SAMSN1: variants seen among roughly 807,000 people sequenced by gnomAD.
The protein encoded by SAMSN1 is SAM domain-containing protein SAMSN-1.
In SAMSN1, 31 loss-of-function variants were observed where a neutral mutation model predicts 42.0. The observed-to-expected ratio is 0.74, with a 90% CI of 0.55 to 1.00. SAMSN1 has a LOEUF of 1.00. Ranked by LOEUF, SAMSN1 falls within the 50% of genes least tolerant of loss-of-function variation. The probability of loss-of-function intolerance (pLI) is 0.00; values close to 1 mark genes in which losing one functional copy is unlikely to be tolerated. For missense variants in SAMSN1, 464 were observed against 439.4 expected (o/e 1.06, Z -0.50); for synonymous variants, 178 against 151.9 (o/e 1.17, Z -1.26).
At chr21:14,528,652 C>A (rs1373430959) in intron 1 of SAMSN1, among the ~76,000 whole-genome samples, 1 of 152,126 alleles carries the variant, frequency 6.6e-6, no homozygotes, top group Non-Finnish European at 1.5e-5. Flanking sequence ...TACATATGTC[C>A]AATTATTTCT....
chr21:14,621,859 C>T (rs1478711951), intron 2 of SAMSN1, among the ~76,000 whole-genome samples: 1 of 152,212 alleles, frequency 6.6e-6, no homozygotes, highest in African/African-American at 2.4e-5. Context: ...AGTAGCCTAA[C>T]TAGGAGGCAC....
intron 2 of SAMSN1, among the ~76,000 whole-genome samples, chr21:14,572,074 C>T (rs1475107254): frequency 1.3e-5 from 2 of 152,158 alleles, no homozygotes; most frequent in Non-Finnish European, 2.9e-5. Flanking sequence ...TGTGGCCACA[C>T]AGCTCAGGGA....
intron 2 of SAMSN1, among the ~76,000 whole-genome samples, chr21:14,518,885 C>G (rs563156479): frequency 6.6e-6 from 1 of 152,222 alleles, no homozygotes; most frequent in East Asian, 1.9e-4. Flanking sequence ...CTTAAACTTT[C>G]TCTGTCTTCA....
In SAMSN1 at chr21:14,577,236, G is replaced by GTATATA. The variant is rs1472311400; in HGVS notation, c.261+4899_261+4900insTATATA. Among the ~76,000 whole-genome samples, 300 of 30,828 alleles carry GTATATA rather than the reference G, an allele frequency of 9.7e-3. 27 individuals carry two copies. Among genetic ancestry groups the GTATATA allele is most frequent in the East Asian group, 0.02 (16 of 784 alleles). The allele number at this position is 30,828 out of a possible 152,430, so 20.2% of individuals were successfully genotyped here. The stretch of plus-strand genomic sequence containing the variant: ...ATGGTGGGCTAATTTATATATATGT[G>GTATATA]TGTATATATATATATATATATATAT... On this transcript the variant is annotated intron_variant, in intron 2 of 8. Transcript: ENST00000285670.
chr21:14,582,796 A>G (rs74682993), intron 1 of SAMSN1, among the ~76,000 whole-genome samples: 6 of 152,134 alleles, frequency 3.9e-5, no homozygotes, highest in African/African-American at 1.4e-4. Flanking sequence ...TGAGAAAAAA[A>G]TACAATTAAA....
chr21:14,619,131 A>T (rs1025547007), intron 2 of SAMSN1, among the ~76,000 whole-genome samples: 1 of 152,236 alleles, frequency 6.6e-6, no homozygotes, highest in African/African-American at 2.4e-5. Context: ...AAAAGAACAG[A>T]TAAATTGTAG....
At chr21:14,620,930 T>C (rs1324967900) in intron 2 of SAMSN1, among the ~76,000 whole-genome samples, 2 of 152,234 alleles carry the variant, frequency 1.3e-5, no homozygotes, top group African/African-American at 2.4e-5. Flanking sequence ...TTTGTTTAAT[T>C]CATTCTCTTG....
At chr21:14,535,965 A>C (rs1421632020) in intron 1 of SAMSN1, among the ~76,000 whole-genome samples, 1 of 152,238 alleles carries the variant, frequency 6.6e-6, no homozygotes, top group Non-Finnish European at 1.5e-5. Flanking sequence ...GGACTTAGCC[A>C]GCTGTGGTGA....
chr21:14,496,427 T>C (rs1171428207), intron 7 of SAMSN1: 1 of 152,216 alleles, frequency 6.6e-6, no homozygotes, highest in African/African-American at 2.4e-5. Context: ...AAAGCAATCA[T>C]TTACAAGTGT....
chr21:14,593,878 T>A (rs910386716), intron 7 of SAMSN1: 1 of 555,756 alleles, frequency 1.8e-6, no homozygotes, highest in Admixed American at 3.0e-5. Context: ...TTATGTTCTT[T>A]AGAAACACTT....
upstream of SAMSN1, chr21:14,658,826 G>A: frequency 7.0e-6 from 5 of 714,352 alleles, no homozygotes; most frequent in East Asian, 2.7e-5. Flanking sequence ...ATTGCCTCTT[G>A]TAGCTCTCTC....
upstream of SAMSN1, chr21:14,658,840 C>A (rs1983956005): frequency 1.4e-6 from 1 of 712,804 alleles, no homozygotes; most frequent in Non-Finnish European, 2.6e-6. Context: ...CTCTCTCTTG[C>A]CTTCACAGCT....
upstream of SAMSN1, among the ~76,000 whole-genome samples, chr21:14,546,720 C>CT (rs1310339788): frequency 5.1e-4 from 76 of 149,326 alleles, 1 homozygote; most frequent in Middle Eastern, 6.8e-3. Flanking sequence ...TATATTTTTT[C>CT]TTTTTTTGAT....
upstream of SAMSN1, chr21:14,583,537 A>G: frequency 1.7e-6 from 1 of 592,854 alleles, no homozygotes; most frequent in South Asian, 2.1e-5. Context: ...ATAAAAAAAA[A>G]TCCTCAATGT....
chr21:14,545,837 T>A (rs1980355608), intron 1 of SAMSN1, among the ~76,000 whole-genome samples: 1 of 152,196 alleles, frequency 6.6e-6, no homozygotes, highest in Admixed American at 6.5e-5. Context: ...TAAAATTCAT[T>A]CAGTAGACTG....
intron 5 of SAMSN1, among the ~76,000 whole-genome samples, chr21:14,503,853 T>C (rs1987283432): frequency 1.3e-5 from 2 of 152,024 alleles, no homozygotes; most frequent in South Asian, 4.2e-4. Flanking sequence ...AATTCCTCCT[T>C]CAGTAAACAG....
At chr21:14,583,682 A>G (rs775820192), upstream of SAMSN1, 1 of 717,506 alleles carries the variant, frequency 1.4e-6, no homozygotes, top group South Asian at 1.5e-5. Flanking sequence ...CACCTCATCC[A>G]GATTCTGCAC....
Position 14,598,486 on chromosome 21 carries a change from A to G in SAMSN1, c.399+3537T>C, listed in dbSNP as rs1381459145. ...TAGTTGGTGTATGATCACATTTCTA[A>G]GCAGACTGCTTTGCTTCAAGCTCTA... On this transcript the variant is annotated intron_variant, in intron 6 of 15. Coordinates refer to the SAMSN1 transcript ENST00000647101. Among the ~76,000 whole-genome samples, 8 of 152,300 alleles carry G rather than the reference A, an allele frequency of 5.3e-5. No individual in the cohort carries two copies. In the East Asian group the frequency reaches 1.2e-3, roughly 22 times the overall value.
In SAMSN1 at chr21:14,596,720, A is replaced by G. The variant is rs73891890; in HGVS notation, c.400-2642T>C. Among the ~76,000 whole-genome samples the G allele has an allele frequency of 8.5e-3, 1,292 of 152,220 alleles. 27 individuals carry two copies. The highest frequency in any genetic ancestry group is 0.03 in the African/African-American group (1,256 of 41,556). ...ATCCCTGCAGTCAATTCCCATAAAA[A>G]AACTGAGGTCACCTACCTATAGCCA... On this transcript the variant is annotated intron_variant, in intron 6 of 15. Transcript: ENST00000647101.
Sources: gnomAD v4.1 joint callset for allele counts (sites outside exome capture counted in the v4.1 genomes callset) on GRCh38, gnomAD v4.1.1 for gene constraint, MANE v1.5 for transcripts, NCBI Gene and HGNC (gene_info 2026-07-23, HGNC 2026-07-21) for gene names.